Variants in PDE4A observed in about 807,000 individuals in gnomAD.
PDE4A encodes the protein phosphodiesterase 4A, also known as 3',5'-cyclic-AMP phosphodiesterase 4A.
A neutral mutation model predicts 73.9 loss-of-function variants in PDE4A; 21 were observed. The observed-to-expected ratio is 0.28, with a 90% confidence interval of 0.20 to 0.41. The LOEUF is 0.41. Among genes scored for constraint, PDE4A ranks in the 10% least tolerant of loss-of-function variants. The probability of loss-of-function intolerance (pLI) is 1.00; values close to 1 mark genes in which losing one functional copy is unlikely to be tolerated. For missense variants in PDE4A, 958 were observed against 1,211.4 expected, an observed-to-expected ratio of 0.79 and a Z score of 3.10; for synonymous variants, 463 against 505.4, an observed-to-expected ratio of 0.92 and a Z score of 1.13.
At chr19:10,416,848 G>A, upstream of PDE4A, 1 of 1,533,384 alleles carries the variant, frequency 6.5e-7, no homozygotes. Flanking sequence ...GAGCCCTGGG[G>A]CACTGATGGC....
intron 2 of PDE4A, among the ~76,000 whole-genome samples, chr19:10,448,634 TAA>T (rs573277641): frequency 2.2e-5 from 3 of 134,592 alleles, no homozygotes; most frequent in Admixed American, 7.5e-5. Flanking sequence ...AGACTCTGTC[TAA>T]AAAAAAAAAA....
At chr19:10,436,528 C>G (rs2042866930) in intron 1 of PDE4A, among the ~76,000 whole-genome samples, 1 of 150,892 alleles carries the variant, frequency 6.6e-6, no homozygotes, top group Admixed American at 6.6e-5. Flanking sequence ...GCACTACAGC[C>G]TAGGCAATAA....
chr19:10,450,699 G>A (rs749626317), intron 5 of PDE4A, 47 bp downstream of exon 5: 1 of 1,592,264 alleles, frequency 6.3e-7, no homozygotes. Flanking sequence ...TGCTGCCCCA[G>A]TGGGGGTCCC....
At position 10,422,179 on chromosome 19, in the gene PDE4A, A is replaced by G. The variant is rs368724555; in HGVS notation, c.320+1095A>G. 1.1e-3 allele frequency among the ~76,000 whole-genome samples: 169 copies of G among 152,132 alleles called. 1 individual carries two copies. The highest frequency in any genetic ancestry group is 4.0e-3 in the African/African-American group (168 of 41,486). ...GTGTTGGTGGTCTAGGGACAATGTG[A>G]TTGTGACAGTGTCATTTCTGGCATG... On this transcript the variant is annotated intron_variant, in intron 1 of 14. Coordinates refer to ENST00000380702, the MANE Select transcript of PDE4A (RefSeq NM_001111307.2).
At chr19:10,420,423 G>C (rs983671111), upstream of PDE4A, 1 of 961,160 alleles carries the variant, frequency 1.0e-6, no homozygotes, top group Non-Finnish European at 1.2e-6. The surrounding 1 kb of genome is among the most constrained non-coding windows in gnomAD (Gnocchi z 6.0). Context: ...GGACGGAGGA[G>C]GAGGGGGGCG....
chr19:10,458,125 C>T lies in PDE4A; in HGVS notation c.1101+23C>T, dbSNP rs374517462. 3 of 1,610,932 alleles carry T rather than the reference C, an allele frequency of 1.9e-6. No individual in the cohort carries two copies. Among genetic ancestry groups the T allele is most frequent in the Non-Finnish European group, 8.5e-7 (1 of 1,177,738 alleles). On this transcript the variant is annotated intron_variant, in intron 8 of 14. Transcript: ENST00000380702. This position sits in a 1 kb window ranked among gnomAD's most constrained non-coding sequence, Gnocchi z 4.6. ...CAAGTGGGTGGGGGCTCAGTAGGGG[C>T]AGGGCTGGAGGGGGTGGTCTCCTGG... is the stretch of plus-strand genomic sequence containing the variant.
At chr19:10,419,667 A>G (rs1167546226), upstream of PDE4A, 2 of 152,612 alleles carry the variant, frequency 1.3e-5, no homozygotes, top group Non-Finnish European at 2.9e-5. Flanking sequence ...GACCACACAC[A>G]TACACTCACG....
chr19:10,432,512 G>A (rs777074516), intron 1 of PDE4A: 2 of 1,524,362 alleles, frequency 1.3e-6, no homozygotes, highest in South Asian at 1.2e-5. Flanking sequence ...CCGAGTCCCT[G>A]ACCCACTTCC....
intron 11 of PDE4A, 120 bp from the exon 12 acceptor site, chr19:10,461,406 T>A: frequency 1.3e-6 from 2 of 1,500,412 alleles, no homozygotes; most frequent in South Asian, 1.3e-5. Context: ...TAGAGCTGAC[T>A]GGGCTGGAGG....
At chr19:10,430,531 C>G (rs1012638484) in intron 1 of PDE4A, among the ~76,000 whole-genome samples, 3 of 151,992 alleles carry the variant, frequency 2.0e-5, no homozygotes, top group African/African-American at 7.3e-5. Flanking sequence ...GTCAACACCA[C>G]GGGGAGTTTG....
chr19:10,446,883 C>A (rs1361274102), intron 2 of PDE4A, among the ~76,000 whole-genome samples: 1 of 151,858 alleles, frequency 6.6e-6, no homozygotes, highest in East Asian at 1.9e-4. Context: ...CGTGAGCCAC[C>A]GCGCCTGGCC....
At chr19:10,445,406 C>G (rs145193070) in intron 1 of PDE4A, among the ~76,000 whole-genome samples, 19 of 152,170 alleles carry the variant, frequency 1.2e-4, no homozygotes, top group Non-Finnish European at 1.5e-4. Context: ...GGATGCACAC[C>G]GGTGCTCAAG....
intron 1 of PDE4A, among the ~76,000 whole-genome samples, chr19:10,430,173 G>T (rs1486124981): frequency 1.3e-5 from 2 of 151,920 alleles, no homozygotes; most frequent in African/African-American, 4.8e-5. Flanking sequence ...GGTTTTCCCT[G>T]GGCTCTCAGA....
At chr19:10,432,285 C>A in intron 1 of PDE4A, 1 of 1,115,958 alleles carries the variant, frequency 9.0e-7, no homozygotes, top group Non-Finnish European at 1.1e-6. Flanking sequence ...GAACGCTCGA[C>A]CGCCCGGGGC....
At chr19:10,457,643 T>C (rs2043192671) in intron 7 of PDE4A, 1 of 253,088 alleles carries the variant, frequency 4.0e-6, no homozygotes, top group African/African-American at 2.3e-5. Flanking sequence ...CCATATCTGA[T>C]GATCAGACCG....
intron 3 of PDE4A, 54 bp downstream of exon 3, chr19:10,449,007 C>T (rs2043052009): frequency 6.2e-7 from 1 of 1,611,454 alleles, no homozygotes; most frequent in East Asian, 2.2e-5. Context: ...TGCTCCGCCA[C>T]ACTTGGGGAC....
Position 10,467,674 on chromosome 19 carries a change from C to T in PDE4A, c.*53C>T. The T allele has an allele frequency of 7.5e-7, 1 of 1,329,820 alleles. No homozygotes were observed. Among genetic ancestry groups the T allele is most frequent in the Non-Finnish European group, 1.0e-6 (1 of 970,946 alleles). 82.4% of individuals were successfully genotyped at this position (1,329,820 alleles called of 1,614,324 possible). Reference sequence around the variant, plus strand: ...CCACTCCTCCCCTCACTCCCCTGCTCCCCCGACCACCTCCTCCTCTGCCTC... The same window carrying T: ...CCACTCCTCCCCTCACTCCCCTGCTTCCCCGACCACCTCCTCCTCTGCCTC... On this transcript the variant is annotated 3_prime_UTR_variant, in exon 15 of 15. Coordinates refer to ENST00000380702, the MANE Select transcript of PDE4A (RefSeq NM_001111307.2).
In PDE4A at chr19:10,448,161, G is replaced by A. The variant is rs549464804; in HGVS notation, c.513-756G>A. Reference sequence around the variant, plus strand: ...TGTCACCAGGCTGGAGTGCAGTGGCGCGATCTTGGCTCACTGCAACCTCTG... The same window carrying A: ...TGTCACCAGGCTGGAGTGCAGTGGCACGATCTTGGCTCACTGCAACCTCTG... On this transcript the variant is annotated intron_variant, in intron 2 of 14. Coordinates refer to ENST00000380702, the MANE Select transcript of PDE4A (RefSeq NM_001111307.2). Among the ~76,000 whole-genome samples the A allele has an allele frequency of 2.0e-4, 30 of 149,492 alleles. 2 individuals carry two copies. In the East Asian group the frequency reaches 4.2e-3, roughly 21 times the overall value.
At chr19:10,446,523 C>G (rs1176929723) in intron 2 of PDE4A, 114 bp downstream of exon 2, 10 of 1,257,062 alleles carry the variant, frequency 8.0e-6, no homozygotes, top group East Asian at 5.1e-5. Flanking sequence ...GCACTCCCAA[C>G]CTGTCCTCCC....
Sources: allele counts gnomAD v4.1 joint callset (sites outside exome capture counted in the v4.1 genomes callset), GRCh38; gene constraint gnomAD v4.1.1; non-coding constraint Gnocchi (gnomAD v3.1); transcripts MANE v1.5; gene names NCBI Gene and HGNC (gene_info 2026-07-23, HGNC 2026-07-21).